Variants in MYOCD observed in about 807,000 individuals in gnomAD.
The protein encoded by MYOCD is myocardin.
Under a neutral mutation model 96.1 loss-of-function variants are expected in MYOCD, and 32 were observed. That is an observed-to-expected ratio of 0.33 (90% CI 0.25 to 0.45). The LOEUF (loss-of-function observed/expected upper bound fraction) is 0.45. Among genes scored for constraint, MYOCD ranks in the 20% least tolerant of loss-of-function variants. The pLI is 1.00. For synonymous variants in MYOCD, 469 were observed against 469.0 expected, an observed-to-expected ratio of 1.00 and a Z score of 0.00; for missense variants, 1,133 against 1,200.6, an observed-to-expected ratio of 0.94 and a Z score of 0.83.
chr17:12,753,395 G>A (rs375715355), intron 10 of MYOCD, 49 bp downstream of exon 10: 20 of 1,477,394 alleles, frequency 1.4e-5, no homozygotes, highest in Non-Finnish European at 1.8e-5. Flanking sequence ...TCTGGAAGTG[G>A]GTTACAAATT....
chr17:12,685,676 T>C (rs372656430), intron 1 of MYOCD, among the ~76,000 whole-genome samples: 5 of 152,194 alleles, frequency 3.3e-5, no homozygotes, highest in African/African-American at 4.8e-5. Flanking sequence ...ATTTCTCACT[T>C]GAAAAGTTGA....
At chr17:12,672,985 G>A (rs553970401) in intron 1 of MYOCD, among the ~76,000 whole-genome samples, 89 of 152,210 alleles carry the variant, frequency 5.8e-4, no homozygotes, top group African/African-American at 1.9e-3. Context: ...TAAGTGGTAC[G>A]AAAGCATCAA....
At chr17:12,673,700 T>G (rs1909844314) in intron 1 of MYOCD, among the ~76,000 whole-genome samples, 1 of 152,260 alleles carries the variant, frequency 6.6e-6, no homozygotes, top group African/African-American at 2.4e-5. Flanking sequence ...TACTCATTAT[T>G]TAGAGTAAAT....
At chr17:12,666,547 G>A (rs1044965524) in intron 1 of MYOCD, among the ~76,000 whole-genome samples, 11 of 152,114 alleles carry the variant, frequency 7.2e-5, no homozygotes, top group Non-Finnish European at 1.5e-4. Context: ...AGCAACTTTG[G>A]AAATGAACAA....
chr17:12,731,840 C>T (rs1436087618), intron 5 of MYOCD, among the ~76,000 whole-genome samples: 1 of 152,206 alleles, frequency 6.6e-6, no homozygotes, highest in Admixed American at 6.5e-5. Context: ...CTTACAGGAG[C>T]CCCTCCACTG....
intron 10 of MYOCD, among the ~76,000 whole-genome samples, chr17:12,754,787 A>T (rs986270949): frequency 7.2e-5 from 11 of 152,258 alleles, no homozygotes; most frequent in African/African-American, 2.2e-4. Flanking sequence ...GAAAACTTAC[A>T]TTAACTGAAT....
At chr17:12,760,196 A>G (rs1213800771) in intron 12 of MYOCD, 2 of 165,744 alleles carry the variant, frequency 1.2e-5, no homozygotes, top group African/African-American at 4.8e-5. Flanking sequence ...GACACATGTC[A>G]CAACATAGAT....
At chr17:12,752,315 G>T in intron 9 of MYOCD, 99 bp from the exon 10 acceptor site, 1 of 1,046,504 alleles carries the variant, frequency 9.6e-7, no homozygotes. Flanking sequence ...GGGTATTGTA[G>T]AATTCCATTT....
At position 12,763,342 on chromosome 17, in the gene MYOCD, A is replaced by C. The variant is rs2033240877; in HGVS notation, c.2659A>C (p.Met887Leu). 1.9e-6 allele frequency: 3 copies of C among 1,602,960 alleles called. No homozygotes were observed. The Admixed American group carries it at 5.1e-5, about 27-fold the overall frequency. The change falls in exon 14 of 14, where the codon ATG becomes CTG. Residue 887 changes from methionine to leucine, a missense_variant. Transcript: ENST00000425538. ...CGAAGAGCCTCACTTTGATGGGATA[A>C]TGGATGGATTCTCTGGGAAGGCTGC... ...GSEEPHFDGI[M>L]DGFSGKAAED...
chr17:12,741,519 C>A (rs994918112), intron 7 of MYOCD, among the ~76,000 whole-genome samples: 3 of 152,010 alleles, frequency 2.0e-5, no homozygotes, highest in Non-Finnish European at 2.9e-5. Context: ...ACCAGCCTGG[C>A]CAATATGGTG....
intron 12 of MYOCD, 176 bp downstream of exon 12, chr17:12,758,389 G>C (rs1266724853): frequency 1.0e-6 from 1 of 963,516 alleles, no homozygotes; most frequent in Non-Finnish European, 1.5e-6. Context: ...TGCATGTGTA[G>C]CTGTGTGAGG....
Position 12,767,176 on chromosome 17 carries a change from T to A in MYOCD, c.*3532T>A, listed in dbSNP as rs374617148. On this transcript the variant is annotated 3_prime_UTR_variant, in exon 14 of 14. Coordinates refer to ENST00000425538, the MANE Select transcript of MYOCD (RefSeq NM_001146312.3). ...AAATCAGAATTTTTTTAAGGAGAAG[T>A]CATTCTTAGCACTACAATAATTGTA... 57 of 152,052 alleles carry A rather than the reference T, an allele frequency of 3.7e-4. No individual in the cohort carries two copies. The highest frequency in any genetic ancestry group is 1.3e-3 in the African/African-American group (53 of 41,390). The allele number at this position is 152,052 out of a possible 1,614,324, so 9.4% of individuals were successfully genotyped here.
intron 6 of MYOCD, among the ~76,000 whole-genome samples, chr17:12,736,822 A>G (rs1597794163): frequency 6.6e-6 from 1 of 152,298 alleles, no homozygotes; most frequent in African/African-American, 2.4e-5. Flanking sequence ...TGCTTTTAGC[A>G]GGTTTCTACC....
intron 2 of MYOCD, among the ~76,000 whole-genome samples, chr17:12,708,894 A>C (rs1373919445): frequency 2.6e-5 from 4 of 152,176 alleles, no homozygotes; most frequent in African/African-American, 9.7e-5. Flanking sequence ...CTTGGCCTTT[A>C]AAACCACTTA....
intron 2 of MYOCD, among the ~76,000 whole-genome samples, chr17:12,712,556 C>T (rs1453276049): frequency 6.6e-6 from 1 of 152,218 alleles, no homozygotes; most frequent in Admixed American, 6.5e-5. Flanking sequence ...TGCAGGAAGA[C>T]TGTTCTTATC....
chr17:12,726,120 C>G (rs2031991805), intron 5 of MYOCD, among the ~76,000 whole-genome samples: 1 of 152,130 alleles, frequency 6.6e-6, no homozygotes, highest in African/African-American at 2.4e-5. Flanking sequence ...AACAGCTTAA[C>G]AAGAAAGGTG....
chr17:12,715,515 T>C lies in MYOCD; in HGVS notation c.122-4T>C. The C allele has an allele frequency of 1.2e-6, 2 of 1,613,466 alleles. No individual in the cohort carries two copies. The highest frequency in any genetic ancestry group is 1.7e-6 in the Non-Finnish European group (2 of 1,179,640). ...CCACTCACGTTTTTGTGTTTCTGTTTCAGCACTGAAACGTCCAGCTGAATT... is the reference window on the plus strand; with the variant it reads ...CCACTCACGTTTTTGTGTTTCTGTTCCAGCACTGAAACGTCCAGCTGAATT... On this transcript the variant is annotated splice_polypyrimidine_tract_variant and splice_region_variant and intron_variant, in intron 2 of 13. Transcript: ENST00000425538.
chr17:12,728,463 C>T (rs1369309932), intron 5 of MYOCD, among the ~76,000 whole-genome samples: 1 of 152,076 alleles, frequency 6.6e-6, no homozygotes, highest in African/African-American at 2.4e-5. Context: ...CCAGTCTTCC[C>T]ACCTGAGTCA....
At position 12,758,099 on chromosome 17, in the gene MYOCD, C is replaced by T. The variant is rs1597815474; in HGVS notation, c.2217C>T (p.His739=). 1 of 1,613,590 alleles carries T rather than the reference C, an allele frequency of 6.2e-7. No homozygotes were observed. The highest frequency in any genetic ancestry group is 8.5e-7 in the Non-Finnish European group (1 of 1,179,630). Residue 739 remains histidine, a synonymous_variant, in exon 12 of 14, where the codon CAC becomes CAT. Coordinates refer to ENST00000425538, the MANE Select transcript of MYOCD (RefSeq NM_001146312.3). Reference sequence around the variant, plus strand: ...TACCCATGCAGATGGCTGGTTTACACTCTTCTGATAAGGTGGGGCCAAAGT... The same window carrying T: ...TACCCATGCAGATGGCTGGTTTACATTCTTCTGATAAGGTGGGGCCAAAGT... The part of the protein sequence containing the change: ...PCVQQKMAGL[H]SSDKVGPKFS...
Sources: gnomAD v4.1 joint callset for allele counts (sites outside exome capture counted in the v4.1 genomes callset) on GRCh38, gnomAD v4.1.1 for gene constraint, MANE v1.5 for transcripts, NCBI Gene and HGNC (gene_info 2026-07-23, HGNC 2026-07-21) for gene names.